Variants in ARID1A observed in about 807,000 individuals in gnomAD.
The protein encoded by ARID1A is AT-rich interactive domain-containing protein 1A.
A neutral mutation model predicts 212.6 loss-of-function variants in ARID1A; 20 were observed. The observed-to-expected ratio is 0.09, with a 90% confidence interval of 0.07 to 0.14. The LOEUF (loss-of-function observed/expected upper bound fraction) is 0.14, where lower values mean the gene tolerates loss of function less well. Ranked by LOEUF, ARID1A falls within the 10% of genes least tolerant of loss-of-function variation. The pLI is 1.00. For missense variants in ARID1A, 2,587 were observed against 3,059.0 expected (o/e 0.85, Z 3.64); for synonymous variants, 1,376 against 1,222.1 (o/e 1.13, Z -2.63).
In ARID1A at chr1:26,696,733, G is replaced by A. The variant is rs1436060766; in HGVS notation, c.330G>A (p.Arg110=). The A allele has an allele frequency of 7.3e-7, 1 of 1,376,456 alleles. No individual in the cohort carries two copies. Among genetic ancestry groups the A allele is most frequent in the African/African-American group, 1.5e-5 (1 of 64,992 alleles). The allele number at this position is 1,376,456 out of a possible 1,614,324, so 85.3% of individuals were successfully genotyped here. ...LKNSNGNAGP[R]PALNNNLTEP... ...ACTCGAACGGGAACGCGGGCCCTAG[G>A]CCCGCCCTGAACAATAACCTCACGG... is the stretch of plus-strand genomic sequence containing the variant. Residue 110 remains arginine, a synonymous_variant, in exon 1 of 20, where the codon AGG becomes AGA. Transcript: ENST00000324856.
intron 2 of ARID1A, 93 bp downstream of exon 2, chr1:26,729,956 C>G: frequency 6.9e-7 from 1 of 1,438,998 alleles, no homozygotes; most frequent in South Asian, 1.2e-5. Context: ...GCTTCCAAGC[C>G]TCTTGACAGG....
intron 1 of ARID1A, among the ~76,000 whole-genome samples, chr1:26,711,899 A>G (rs901696290): frequency 6.6e-5 from 10 of 152,096 alleles, no homozygotes; most frequent in Non-Finnish European, 1.0e-4. Flanking sequence ...CCTGAGCAAC[A>G]TGGCAAAACC....
In ARID1A at chr1:26,696,761, C is replaced by A; in HGVS notation, c.358C>A (p.Pro120Thr). Residue 120 changes from proline (P) to threonine (T), a missense_variant, in exon 1 of 20, where the codon CCG becomes ACG. Coordinates refer to ENST00000324856, the MANE Select transcript of ARID1A (RefSeq NM_006015.6). ...CGCCCTGAACAATAACCTCACGGAG[C>A]CGCCCGGCGGCGGCGGTGGCGGCAG... ...RPALNNNLTE[P>T]PGGGGGGSSD... 7.4e-7 allele frequency: 1 copy of A among 1,352,838 alleles called. No individual in the cohort carries two copies. Among genetic ancestry groups the A allele is most frequent in the South Asian group, 1.9e-5 (1 of 52,218 alleles). The allele number at this position is 1,352,838 out of a possible 1,614,324, so 83.8% of individuals were successfully genotyped here. A position where few individuals can be genotyped will look rare whatever the true frequency, so the allele number is the denominator to read the frequency against.
At chr1:26,727,607 T>A (rs1365559324) in intron 1 of ARID1A, 1 of 152,006 alleles carries the variant, frequency 6.6e-6, no homozygotes, top group East Asian at 1.9e-4. Flanking sequence ...TTGGAATCTC[T>A]AGGGAGAGGC....
In ARID1A at chr1:26,697,056, A is replaced by G. The variant is rs2080272841; in HGVS notation, c.653A>G (p.Asn218Ser). 6.6e-7 allele frequency: 1 copy of G among 1,523,574 alleles called. No homozygotes were observed. Among genetic ancestry groups the G allele is most frequent in the South Asian group, 1.2e-5 (1 of 81,018 alleles). 94.4% of individuals were successfully genotyped at this position (1,523,574 alleles called of 1,614,324 possible). A position where few individuals can be genotyped will look rare whatever the true frequency, so the allele number is the denominator to read the frequency against. ...PNHQYNSYYP[N>S]RSAYPPPAPA... ...CACCAGTACAACTCCTACTACCCCA[A>G]CCGCAGCGCCTACCCCCCGCCCGCC... Residue 218 changes from asparagine (N) to serine (S), a missense_variant, in exon 1 of 20, where the codon AAC (asparagine) becomes AGC (serine). Around this residue, in one of 11 missense-constraint regions of ARID1A, gnomAD observed 735 missense variants for 590.6 expected, o/e 1.24. Coordinates refer to ENST00000324856, the MANE Select transcript of ARID1A (RefSeq NM_006015.6).
intron 1 of ARID1A, chr1:26,727,593 TA>T (rs1418400076): frequency 6.6e-6 from 1 of 152,166 alleles, no homozygotes; most frequent in Admixed American, 6.5e-5. Context: ...CCAGACCCAG[TA>T]AATTGGAATC....
intron 4 of ARID1A, among the ~76,000 whole-genome samples, chr1:26,742,577 T>C (rs183700273): frequency 1.1e-3 from 168 of 152,314 alleles, no homozygotes; most frequent in African/African-American, 3.9e-3. Flanking sequence ...CCTAGATTTA[T>C]TGGATCTAAC....
intron 4 of ARID1A, among the ~76,000 whole-genome samples, chr1:26,740,221 C>T (rs566095657): frequency 1.3e-5 from 2 of 152,148 alleles, no homozygotes; most frequent in East Asian, 1.9e-4. Context: ...AAGGGTTGAA[C>T]TTGTGTGACT....
chr1:26,726,493 G>T (rs1349218312), intron 1 of ARID1A, among the ~76,000 whole-genome samples: 2 of 152,122 alleles, frequency 1.3e-5, no homozygotes, highest in East Asian at 3.9e-4. Context: ...CTTAAAGTGT[G>T]CTTGTTCTCC....
chr1:26,762,045 A>C (rs2080997164), intron 6 of ARID1A, 107 bp from the exon 7 acceptor site: 1 of 1,275,698 alleles, frequency 7.8e-7, no homozygotes, highest in South Asian at 1.6e-5. Context: ...ACTCCATGCA[A>C]GTGGCTGCTA....
rs1397476295 is a variant in ARID1A at position 26,778,990 on chromosome 1, C to T, written c.5125-33C>T. The T allele has an allele frequency of 2.0e-6, 3 of 1,495,798 alleles. No individual in the cohort carries two copies. The South Asian group carries it at 4.3e-5, about 22-fold the overall frequency. 92.7% of individuals were successfully genotyped at this position (1,495,798 alleles called of 1,614,324 possible). On this transcript the variant is annotated intron_variant, in intron 19 of 19. Coordinates refer to ENST00000324856, the MANE Select transcript of ARID1A (RefSeq NM_006015.6). ...ATTCTGTTCTTAGGCCACTTTTCTC[C>T]CTTAATTTATTTCCTGTTCTTTCTC...
At chr1:26,744,601 T>C (rs1372192756) in intron 4 of ARID1A, among the ~76,000 whole-genome samples, 1 of 152,252 alleles carries the variant, frequency 6.6e-6, no homozygotes, top group African/African-American at 2.4e-5. Context: ...CTATCGGGAC[T>C]GGTATGTCCT....
chr1:26,744,007 C>G (rs893963420), intron 4 of ARID1A, among the ~76,000 whole-genome samples: 2 of 152,052 alleles, frequency 1.3e-5, no homozygotes, highest in East Asian at 3.9e-4. Context: ...TTATAGCTGA[C>G]CATGTATCTG....
rs182414307 is a variant in ARID1A at position 26,723,376 on chromosome 1, G to T, written c.1138-6275G>T. ...TACTGGAACTGGATCAACAGCTGTC[G>T]CCTGTCCCTGGAATCACAGGAAGCG... is the stretch of plus-strand genomic sequence containing the variant. On this transcript the variant is annotated intron_variant, in intron 1 of 19. Transcript: ENST00000324856. 7.0e-4 allele frequency among the ~76,000 whole-genome samples: 107 copies of T among 152,288 alleles called. 1 individual carries two copies. The South Asian group carries it at 0.012, about 17-fold the overall frequency.
chr1:26,764,609 G>A (rs947009024), intron 8 of ARID1A: 1 of 152,116 alleles, frequency 6.6e-6, no homozygotes, highest in Non-Finnish European at 1.5e-5. Context: ...AGAATAGGGC[G>A]ATTGACTATA....
chr1:26,753,893 G>A lies in ARID1A; in HGVS notation c.1921-6963G>A, dbSNP rs191706866. ...GTGATCTCGGCTCATTGCAAGCTCCGCCTCCTGGATTCATGCCATTCTCCT... is the reference window on the plus strand; with the variant it reads ...GTGATCTCGGCTCATTGCAAGCTCCACCTCCTGGATTCATGCCATTCTCCT... On this transcript the variant is annotated intron_variant, in intron 4 of 19. Coordinates refer to ENST00000324856, the MANE Select transcript of ARID1A (RefSeq NM_006015.6). Among the ~76,000 whole-genome samples, 5 of 152,250 alleles carry A rather than the reference G, an allele frequency of 3.3e-5. No homozygotes were observed. The East Asian group carries it at 9.7e-4, about 29-fold the overall frequency.
rs2080857225 is a variant in ARID1A at position 26,748,533 on chromosome 1, G to C, written c.1921-12323G>C. On this transcript the variant is annotated intron_variant, in intron 4 of 19. Coordinates refer to ENST00000324856, the MANE Select transcript of ARID1A (RefSeq NM_006015.6). ...TTACAGTGCTCTTACTTCCTGCTGG[G>C]ATTAGAACAGCCCTATTCCATAAAT... 2.0e-5 allele frequency among the ~76,000 whole-genome samples: 3 copies of C among 151,636 alleles called. No individual in the cohort carries two copies. In the South Asian group the frequency reaches 6.2e-4, roughly 32 times the overall value.
intron 1 of ARID1A, among the ~76,000 whole-genome samples, chr1:26,715,456 T>C (rs2080493728): frequency 1.3e-5 from 2 of 152,188 alleles, no homozygotes; most frequent in Non-Finnish European, 2.9e-5. Flanking sequence ...CCAAGGACCT[T>C]TTCCTAGTAG....
intron 1 of ARID1A, among the ~76,000 whole-genome samples, chr1:26,714,398 TTTTGTTTGTTTGTTTG>T (rs71007887): frequency 1.3e-5 from 2 of 151,864 alleles, no homozygotes; most frequent in African/African-American, 2.4e-5. Context: ...CTATAATCTT[TTTTGTTTGTTTGTTTG>T]TTTGTTTGTT....
Sources: allele counts gnomAD v4.1 joint callset (sites outside exome capture counted in the v4.1 genomes callset), GRCh38; gene constraint gnomAD v4.1.1; regional missense constraint gnomAD v4.1.1; transcripts MANE v1.5; gene names NCBI Gene and HGNC (gene_info 2026-07-23, HGNC 2026-07-21).